MAML3: variants seen among roughly 807,000 people sequenced by gnomAD.
The protein encoded by MAML3 is mastermind-like protein 3.
In MAML3, 27 loss-of-function variants were observed where a neutral mutation model predicts 101.9. The observed-to-expected ratio is 0.27, with a 90% CI of 0.20 to 0.37. The LOEUF (loss-of-function observed/expected upper bound fraction) is 0.37. Ranked by LOEUF, MAML3 falls within the 10% of genes least tolerant of loss-of-function variation. MAML3 has a pLI of 1.00. For synonymous variants in MAML3, 501 were observed against 555.9 expected, an observed-to-expected ratio of 0.90 and a Z score of 1.39; for missense variants, 1,316 against 1,444.9, an observed-to-expected ratio of 0.91 and a Z score of 1.45.
Position 140,154,107 on chromosome 4 carries a change from T to TCGCCGCCGC in MAML3, c.-789_-781dup, listed in dbSNP as rs576186001. ...TGCCACCATCACAATGATCAACTGC[T>TCGCCGCCGC]CGCCGCCGCCGCCGCCGCCGCCTCC... On this transcript the variant is annotated 5_prime_UTR_variant, in exon 1 of 5. Transcript: ENST00000509479. The TCGCCGCCGC allele has an allele frequency of 2.0e-4, 36 of 178,080 alleles. 1 individual carries two copies. Among genetic ancestry groups the TCGCCGCCGC allele is most frequent in the Admixed American group, 4.4e-4 (7 of 15,962 alleles). 11.0% of individuals were successfully genotyped at this position (178,080 alleles called of 1,614,324 possible).
intron 2 of MAML3, among the ~76,000 whole-genome samples, chr4:139,839,782 C>T (rs1235991176): frequency 6.6e-6 from 1 of 152,070 alleles, no homozygotes; most frequent in Non-Finnish European, 1.5e-5. Context: ...TACGCCATGA[C>T]TGCTGATTAT....
intron 1 of MAML3, among the ~76,000 whole-genome samples, chr4:140,014,110 C>G (rs17373738): frequency 0.26 from 39,727 of 152,092 alleles, 6,567 homozygotes; most frequent in Non-Finnish European, 0.37. Flanking sequence ...TATTTCACAA[C>G]TTTTACATCT....
intron 1 of MAML3, among the ~76,000 whole-genome samples, chr4:139,962,894 C>CT (rs11458199): frequency 0.063 from 9,621 of 151,890 alleles, 999 homozygotes; most frequent in African/African-American, 0.22. Context: ...CTTGGTGCTT[C>CT]TTTTTTTTAC....
chr4:140,104,348 A>C (rs1461262716), intron 1 of MAML3, among the ~76,000 whole-genome samples: 29 of 104,516 alleles, frequency 2.8e-4, no homozygotes, highest in Middle Eastern at 4.8e-3. Flanking sequence ...CTCAAAAAAA[A>C]AACCAAACCT....
intron 1 of MAML3, among the ~76,000 whole-genome samples, chr4:139,900,835 TTGAC>T (rs1266645362): frequency 6.6e-6 from 1 of 152,372 alleles, no homozygotes. Flanking sequence ...AATATTCTAA[TTGAC>T]TGAGAGCTAA....
intron 1 of MAML3, among the ~76,000 whole-genome samples, chr4:140,142,954 A>G (rs556622525): frequency 1.2e-4 from 18 of 152,324 alleles, no homozygotes; most frequent in African/African-American, 3.4e-4. Flanking sequence ...CAACTATACC[A>G]TACCTTAATC....
At chr4:140,058,815 TCATGTTATTGGCC>T (rs1274184720) in intron 1 of MAML3, among the ~76,000 whole-genome samples, 5 of 152,182 alleles carry the variant, frequency 3.3e-5, no homozygotes, top group Non-Finnish European at 5.9e-5. Flanking sequence ...ACAAGGACCT[TCATGTTATTGGCC>T]CAATAAGAAA....
At chr4:140,102,059 G>A (rs1338608267) in intron 1 of MAML3, among the ~76,000 whole-genome samples, 2 of 152,136 alleles carry the variant, frequency 1.3e-5, no homozygotes, top group African/African-American at 4.8e-5. Context: ...AACTTAACAT[G>A]TATAAATGAT....
At chr4:139,937,003 A>G (rs2110733898) in intron 1 of MAML3, among the ~76,000 whole-genome samples, 1 of 151,908 alleles carries the variant, frequency 6.6e-6, no homozygotes, top group African/African-American at 2.4e-5. Flanking sequence ...GTGTCAAACA[A>G]CTCTATCACA....
intron 2 of MAML3, among the ~76,000 whole-genome samples, chr4:139,748,029 GGGTGGACAGA>G (rs1729382152): frequency 6.9e-6 from 1 of 144,468 alleles, no homozygotes; most frequent in Non-Finnish European, 1.5e-5. Context: ...ACTCCAGCCT[GGGTGGACAGA>G]GCAAGACTTC....
chr4:140,058,282 T>C (rs76163164), intron 1 of MAML3, among the ~76,000 whole-genome samples: 595 of 149,252 alleles, frequency 4.0e-3, no homozygotes, highest in South Asian at 0.011. Flanking sequence ...TTTTTTTTAG[T>C]AGTGGGTCTA....
chr4:139,748,082 CACATATAGAGGT>C (rs1729385409), intron 2 of MAML3, among the ~76,000 whole-genome samples: 1 of 143,620 alleles, frequency 7.0e-6, no homozygotes, highest in Non-Finnish European at 1.5e-5. Context: ...AAAAAGAATG[CACATATAGAGGT>C]AGTGGGCCTT....
intron 2 of MAML3, among the ~76,000 whole-genome samples, chr4:139,784,999 AT>A (rs1275868185): frequency 6.6e-6 from 1 of 152,244 alleles, no homozygotes; most frequent in East Asian, 1.9e-4. Context: ...TACATACCTT[AT>A]TCGGGTGATG....
At chr4:139,969,736 T>C (rs1186641912) in intron 1 of MAML3, among the ~76,000 whole-genome samples, 2 of 152,168 alleles carry the variant, frequency 1.3e-5, no homozygotes, top group Non-Finnish European at 2.9e-5. Context: ...CTACTGTAGA[T>C]GAGAAAAGCA....
At chr4:139,739,015 C>T (rs1729062218) in intron 2 of MAML3, among the ~76,000 whole-genome samples, 1 of 152,172 alleles carries the variant, frequency 6.6e-6, no homozygotes, top group South Asian at 2.1e-4. Context: ...TCCTTCCTGG[C>T]AAGGCTTTTA....
intron 1 of MAML3, among the ~76,000 whole-genome samples, chr4:140,049,560 G>A (rs1015174924): frequency 6.6e-6 from 1 of 152,206 alleles, no homozygotes; most frequent in Admixed American, 6.5e-5. Context: ...TAAGAGCAAG[G>A]CTTAATCAGG....
chr4:139,964,068 C>T (rs183712921), intron 1 of MAML3, among the ~76,000 whole-genome samples: 197 of 152,270 alleles, frequency 1.3e-3, no homozygotes, highest in African/African-American at 4.3e-3. Context: ...TTTAAAAATA[C>T]CTTTTGACCC....
intron 2 of MAML3, chr4:139,731,435 T>TTAAAAAAAAAA (rs1491282159): frequency 2.6e-5 from 1 of 38,718 alleles, no homozygotes; most frequent in African/African-American, 7.8e-5. Context: ...CTGTCTCTAC[T>TTAAAAAAAAAA]AAAAAAAAAA....
intron 1 of MAML3, among the ~76,000 whole-genome samples, chr4:140,016,012 T>G (rs1205027999): frequency 6.6e-6 from 1 of 151,978 alleles, no homozygotes; most frequent in Non-Finnish European, 1.5e-5. Flanking sequence ...TGTTTATGAA[T>G]GACATGATTG....
Sources: gnomAD v4.1 joint callset for allele counts (sites outside exome capture counted in the v4.1 genomes callset) on GRCh38, gnomAD v4.1.1 for gene constraint, MANE v1.5 for transcripts, NCBI Gene and HGNC (gene_info 2026-07-23, HGNC 2026-07-21) for gene names.